The following PTPRT variants were observed in gnomAD, a reference collection of about 807,000 sequenced individuals.
PTPRT encodes the protein receptor-type tyrosine-protein phosphatase T.
In PTPRT, 56 loss-of-function variants were observed where a neutral mutation model predicts 176.8. That is an observed-to-expected ratio of 0.32 (90% CI 0.26 to 0.40). The LOEUF is 0.40. Ranked by LOEUF, PTPRT falls within the 10% of genes least tolerant of loss-of-function variation. PTPRT has a pLI of 1.00. For missense variants in PTPRT, 1,540 were observed against 1,908.2 expected, an observed-to-expected ratio of 0.81 and a Z score of 3.60; for synonymous variants, 783 against 739.0, an observed-to-expected ratio of 1.06 and a Z score of -0.96.
At chr20:42,312,016 T>A (rs184509489) in intron 12 of PTPRT, among the ~76,000 whole-genome samples, 3 of 152,310 alleles carry the variant, frequency 2.0e-5, no homozygotes. Context: ...TAGATCCAGA[T>A]TAGAACTGTT....
chr20:42,242,256 AT>A (rs2056369560), intron 14 of PTPRT, among the ~76,000 whole-genome samples: 1 of 152,194 alleles, frequency 6.6e-6, no homozygotes, highest in Non-Finnish European at 1.5e-5. Context: ...TAATGTTGAC[AT>A]TTAGGTCTGT....
intron 7 of PTPRT, among the ~76,000 whole-genome samples, chr20:42,639,903 C>T (rs1222545823): frequency 6.6e-6 from 1 of 152,104 alleles, no homozygotes; most frequent in Non-Finnish European, 1.5e-5. Flanking sequence ...AAATTGTCTA[C>T]GCCGCTTCTG....
chr20:42,099,542 T>TGGGTGGGGG (rs1325217305), intron 26 of PTPRT, among the ~76,000 whole-genome samples: 8 of 8,702 alleles, frequency 9.2e-4, no homozygotes, highest in African/African-American at 3.5e-3. Context: ...GAAAATGGCC[T>TGGGTGGGGG]GGGCGGGGGG....
chr20:42,910,072 A>T lies in PTPRT; in HGVS notation c.89-24140T>A, dbSNP rs1025528297. Among the ~76,000 whole-genome samples, 12 of 152,060 alleles carry T rather than the reference A, an allele frequency of 7.9e-5. No homozygotes were observed. The East Asian group carries it at 2.3e-3, about 29-fold the overall frequency. On this transcript the variant is annotated intron_variant, in intron 1 of 30. Coordinates refer to ENST00000373187, the MANE Select transcript of PTPRT (RefSeq NM_007050.6). ...AAAGCTGGTTACTTTATCCCCTTCC[A>T]TCCCTGCAGCTTGTTTGGCTGCAGA...
intron 7 of PTPRT, among the ~76,000 whole-genome samples, chr20:42,503,038 G>T (rs1208739936): frequency 1.3e-5 from 2 of 151,930 alleles, no homozygotes; most frequent in African/African-American, 4.8e-5. Context: ...GTATGTTAAG[G>T]TATCCTCTTT....
At chr20:42,553,114 C>G (rs2072797994) in intron 7 of PTPRT, among the ~76,000 whole-genome samples, 1 of 152,192 alleles carries the variant, frequency 6.6e-6, no homozygotes, top group African/African-American at 2.4e-5. Context: ...TGTGAACTTG[C>G]AATGACGCAT....
intron 22 of PTPRT, 140 bp from the exon 23 acceptor site, chr20:42,110,627 G>T: frequency 2.5e-6 from 2 of 811,514 alleles, no homozygotes; most frequent in Non-Finnish European, 3.6e-6. Flanking sequence ...AGGTGTTACT[G>T]GATAGAGCGA....
chr20:42,706,169 C>A (rs2076052650), intron 6 of PTPRT, among the ~76,000 whole-genome samples: 1 of 142,828 alleles, frequency 7.0e-6, no homozygotes, highest in South Asian at 2.2e-4. Context: ...ATCTCTCTCT[C>A]TCTCTCTGTT....
At chr20:42,581,697 C>T (rs1384884687) in intron 7 of PTPRT, among the ~76,000 whole-genome samples, 1 of 152,026 alleles carries the variant, frequency 6.6e-6, no homozygotes, top group Non-Finnish European at 1.5e-5. Context: ...TGGAATGAGA[C>T]TATGAAAGGA....
chr20:42,319,271 T>C (rs2057765106), intron 11 of PTPRT, among the ~76,000 whole-genome samples: 1 of 151,868 alleles, frequency 6.6e-6, no homozygotes, highest in African/African-American at 2.4e-5. Context: ...CCTTTTTTTT[T>C]TTTTTTCTAT....
chr20:42,521,616 T>G (rs6072768), intron 7 of PTPRT, among the ~76,000 whole-genome samples: 127 of 152,230 alleles, frequency 8.3e-4, no homozygotes, highest in African/African-American at 2.9e-3. Context: ...ATCTCTCTAA[T>G]CATGTTGGTT....
At chr20:42,448,401 AG>A in intron 8 of PTPRT, 72 bp from the exon 9 acceptor site, 1 of 1,184,844 alleles carries the variant, frequency 8.4e-7, no homozygotes. Flanking sequence ...GACCTAGAAC[AG>A]GGGTTGACAA....
intron 1 of PTPRT, among the ~76,000 whole-genome samples, chr20:43,152,505 G>A (rs139218790): frequency 1.2e-3 from 179 of 152,224 alleles, no homozygotes; most frequent in Middle Eastern, 0.01. Context: ...GCTAGACTAC[G>A]TGAGGTCTCC....
Position 42,434,999 on chromosome 20 carries a change from C to A in PTPRT, c.1560+13221G>T, listed in dbSNP as rs544294998. On this transcript the variant is annotated intron_variant, in intron 9 of 30. Transcript: ENST00000373187. ...AACAAAAAACAAAAAACAAAAACAACAAAAAAAAGAGAAAATTTTAAAAAG... is the reference window on the plus strand; with the variant it reads ...AACAAAAAACAAAAAACAAAAACAAAAAAAAAAAGAGAAAATTTTAAAAAG... Among the ~76,000 whole-genome samples, 8 of 146,250 alleles carry A rather than the reference C, an allele frequency of 5.5e-5. No individual in the cohort carries two copies. In the East Asian group the frequency reaches 7.8e-4, roughly 14 times the overall value.
chr20:42,530,683 A>G (rs921992006), intron 7 of PTPRT, among the ~76,000 whole-genome samples: 2 of 152,150 alleles, frequency 1.3e-5, no homozygotes, highest in African/African-American at 4.8e-5. Flanking sequence ...CTTCTTTCTG[A>G]TCCGGTGGTT....
intron 17 of PTPRT, among the ~76,000 whole-genome samples, chr20:42,155,543 T>C (rs1989314320): frequency 6.6e-6 from 1 of 152,172 alleles, no homozygotes; most frequent in Non-Finnish European, 1.5e-5. Flanking sequence ...AATGTGGAAA[T>C]GGAGGCCCAG....
chr20:42,216,526 T>C (rs780160061), intron 15 of PTPRT, among the ~76,000 whole-genome samples: 4 of 152,238 alleles, frequency 2.6e-5, no homozygotes, highest in African/African-American at 4.8e-5. Flanking sequence ...CCCAGTCATT[T>C]GCCTATCTTC....
At chr20:43,032,597 A>G (rs1053273584) in intron 1 of PTPRT, among the ~76,000 whole-genome samples, 3 of 152,142 alleles carry the variant, frequency 2.0e-5, no homozygotes, top group Non-Finnish European at 2.9e-5. Flanking sequence ...CTTGATAAAC[A>G]GAGGAAAGCT....
chr20:42,447,076 T>G (rs573518404), intron 9 of PTPRT, among the ~76,000 whole-genome samples: 6 of 152,190 alleles, frequency 3.9e-5, no homozygotes, highest in Non-Finnish European at 8.8e-5. Context: ...TCTTGAGTAC[T>G]TTTCCTTCAT....
Sources: allele counts gnomAD v4.1 joint callset (sites outside exome capture counted in the v4.1 genomes callset), GRCh38; gene constraint gnomAD v4.1.1; transcripts MANE v1.5; gene names NCBI Gene and HGNC (gene_info 2026-07-23, HGNC 2026-07-21).